CDKN2B-AS1: variants seen among roughly 807,000 people sequenced by gnomAD.
CDKN2B-AS1 encodes CDKN2B and CDKN2A antisense cis and trans regulatory RNA 1.
intron 1 of CDKN2B-AS1, among the ~76,000 whole-genome samples, chr9:22,024,666 G>T (rs936313823): frequency 6.6e-6 from 1 of 152,228 alleles, no homozygotes. Flanking sequence ...GGTTGACAGA[G>T]GTCAAGGGGC....
chr9:22,110,441 T>C (rs531002664), intron 4 of CDKN2B-AS1, among the ~76,000 whole-genome samples: 1 of 152,196 alleles, frequency 6.6e-6, no homozygotes, highest in Non-Finnish European at 1.5e-5. Flanking sequence ...TACAACAGTG[T>C]ACACAGATGA....
chr9:22,099,762 T>C lies in CDKN2B-AS1; in HGVS notation n.439-27341T>C, dbSNP rs1208764067. On this transcript the variant is annotated intron_variant and non_coding_transcript_variant, in intron 4 of 4. Transcript: ENST00000650946. ...AATTATTAAGTAAAAAAAAGGAATG[T>C]GCAGTACATATTCAGTATGCCACAA... 2.6e-5 allele frequency among the ~76,000 whole-genome samples: 4 copies of C among 152,184 alleles called. No individual in the cohort carries two copies. The East Asian group carries it at 7.7e-4, about 29-fold the overall frequency.
chr9:22,063,484 GATTA>G lies in CDKN2B-AS1; in HGVS notation n.438+7101_438+7104del, dbSNP rs370251900. On this transcript the variant is annotated intron_variant and non_coding_transcript_variant, in intron 4 of 4. Coordinates refer to ENST00000650946, the Ensembl canonical transcript of CDKN2B-AS1. Reference sequence around the variant, plus strand: ...ATTGATCAAGTAAAAAAATTGAAGAGATTAATTGAGGACTTAACATCAGAGACCA... The same window carrying G: ...ATTGATCAAGTAAAAAAATTGAAGAGATTGAGGACTTAACATCAGAGACCA... 5.3e-4 allele frequency among the ~76,000 whole-genome samples: 81 copies of G among 152,300 alleles called. 2 individuals are homozygous for G. In the East Asian group the frequency reaches 0.014, roughly 26 times the overall value.
intron 4 of CDKN2B-AS1, among the ~76,000 whole-genome samples, chr9:22,098,471 C>G (rs569041134): frequency 2.0e-5 from 3 of 150,944 alleles, no homozygotes; most frequent in African/African-American, 7.3e-5. Context: ...TATGTATCAC[C>G]TTTATAAAAA....
chr9:22,006,794 G>T lies in CDKN2B-AS1; in HGVS notation n.29+11633G>T, dbSNP rs2069425. Among the ~76,000 whole-genome samples, 1 of 151,066 alleles carries T rather than the reference G, an allele frequency of 6.6e-6. No homozygotes were observed. Among genetic ancestry groups the T allele is most frequent in the Admixed American group, 6.6e-5 (1 of 15,178 alleles). ...TTATTTAGTTCTCATAGCAAATCCC[G>T]TGCGGAAGGCTTTTGTTTGTCATGT... On this transcript the variant is annotated intron_variant and non_coding_transcript_variant, in intron 1 of 4. Transcript: ENST00000650946. The surrounding 1 kb of genome is among the most constrained non-coding windows in gnomAD (Gnocchi z 6.4).
chr9:22,118,102 C>G (rs932499137), intron 4 of CDKN2B-AS1: 2 of 152,300 alleles, frequency 1.3e-5, no homozygotes, highest in Non-Finnish European at 2.9e-5. Flanking sequence ...GCAGATGTTT[C>G]TAACAAAGGA....
intron 1 of CDKN2B-AS1, among the ~76,000 whole-genome samples, chr9:22,016,020 G>T (rs1456204801): frequency 6.6e-6 from 1 of 152,098 alleles, no homozygotes; most frequent in Non-Finnish European, 1.5e-5. Context: ...AGTAGGTCGC[G>T]AAAATTTTCT....
chr9:22,114,728 G>A (rs905289596), intron 4 of CDKN2B-AS1, among the ~76,000 whole-genome samples: 2 of 152,106 alleles, frequency 1.3e-5, no homozygotes, highest in Admixed American at 1.3e-4. Context: ...CAGAGGCAGC[G>A]GCTAAGACCA....
intron 4 of CDKN2B-AS1, among the ~76,000 whole-genome samples, chr9:22,116,614 AG>A (rs1205277855): frequency 6.6e-6 from 1 of 152,172 alleles, no homozygotes; most frequent in Non-Finnish European, 1.5e-5. Context: ...GATGAAAATG[AG>A]GGAAACAGCA....
chr9:22,053,056 G>T (rs1823422279), intron 3 of CDKN2B-AS1, among the ~76,000 whole-genome samples: 3 of 152,208 alleles, frequency 2.0e-5, no homozygotes, highest in Admixed American at 6.5e-5. Flanking sequence ...TTATACTTAT[G>T]TAATCTTCTG....
chr9:22,061,350 A>G (rs947241608), intron 4 of CDKN2B-AS1, among the ~76,000 whole-genome samples: 1 of 152,234 alleles, frequency 6.6e-6, no homozygotes, highest in African/African-American at 2.4e-5. Flanking sequence ...AGGGAGAACA[A>G]TAAGCAAATA....
intron 4 of CDKN2B-AS1, among the ~76,000 whole-genome samples, chr9:22,086,034 C>A (rs952067530): frequency 6.6e-6 from 1 of 152,004 alleles, no homozygotes; most frequent in Admixed American, 6.6e-5. Context: ...ATTCAAACTT[C>A]CAGAATTTAA....
At chr9:22,083,160 C>A (rs943758415) in intron 4 of CDKN2B-AS1, among the ~76,000 whole-genome samples, 1 of 152,104 alleles carries the variant, frequency 6.6e-6, no homozygotes, top group African/African-American at 2.4e-5. Context: ...TAATAGATTC[C>A]CATTTTTCTC....
chr9:22,098,351 A>G (rs550622111), intron 4 of CDKN2B-AS1, among the ~76,000 whole-genome samples: 35 of 151,952 alleles, frequency 2.3e-4, no homozygotes, highest in African/African-American at 8.4e-4. Flanking sequence ...TTATTTTAAA[A>G]AGAAAACACA....
chr9:22,124,347 G>A (rs978579483), intron 4 of CDKN2B-AS1, among the ~76,000 whole-genome samples: 2 of 152,152 alleles, frequency 1.3e-5, no homozygotes, highest in Non-Finnish European at 2.9e-5. Context: ...GAAATTAAAA[G>A]CTTCTAAACT....
At position 21,995,492 on chromosome 9, in the gene CDKN2B-AS1, C is replaced by T. The variant is rs1216826013; in HGVS notation, n.29+331C>T. On this transcript the variant is annotated intron_variant and non_coding_transcript_variant, in intron 1 of 4. Transcript: ENST00000650946. The surrounding 1 kb of genome is among the most constrained non-coding windows in gnomAD (Gnocchi z 5.7). ...ACCCCGACTCCCCTTGATCCCGCCGCCTGACTCCTCGGCGTACGTTCTCTC... is the reference window on the plus strand; with the variant it reads ...ACCCCGACTCCCCTTGATCCCGCCGTCTGACTCCTCGGCGTACGTTCTCTC... 1.3e-5 allele frequency: 2 copies of T among 152,656 alleles called. No homozygotes were observed. Among genetic ancestry groups the T allele is most frequent in the South Asian group, 4.1e-4 (2 of 4,840 alleles). The allele number at this position is 152,656 out of a possible 1,614,324, so 9.5% of individuals were successfully genotyped here.
intron 1 of CDKN2B-AS1, among the ~76,000 whole-genome samples, chr9:22,045,093 G>A (rs1183762608): frequency 1.4e-5 from 2 of 139,698 alleles, no homozygotes; most frequent in Non-Finnish European, 1.5e-5. Context: ...TTTAATATGT[G>A]GTCTCCCTAT....
At chr9:22,120,668 T>C (rs749584761) in intron 4 of CDKN2B-AS1, 2 of 152,162 alleles carry the variant, frequency 1.3e-5, no homozygotes, top group Non-Finnish European at 2.9e-5. Context: ...GGTAAACATG[T>C]GGATAAACAA....
chr9:22,086,357 A>C (rs2131336046), intron 4 of CDKN2B-AS1, among the ~76,000 whole-genome samples: 1 of 152,314 alleles, frequency 6.6e-6, no homozygotes, highest in East Asian at 1.9e-4. Flanking sequence ...AAGTATTTAA[A>C]ACACAAGTAA....
Sources: gnomAD v4.1 joint callset for allele counts (sites outside exome capture counted in the v4.1 genomes callset) on GRCh38, gnomAD v4.1.1 for gene constraint, Gnocchi (gnomAD v3.1) non-coding constraint, MANE v1.5 for transcripts, NCBI Gene and HGNC (gene_info 2026-07-23, HGNC 2026-07-21) for gene names.